The following RSRC1 variants were observed in gnomAD, a reference collection of about 807,000 sequenced individuals.
RSRC1 encodes serine/Arginine-related protein 53.
A neutral mutation model predicts 49.1 loss-of-function variants in RSRC1; 39 were observed. That is an observed-to-expected ratio of 0.79 (90% CI 0.61 to 1.04). The LOEUF is 1.04. RSRC1 is among the 50% of genes least tolerant of loss of function. The pLI is 0.00. For synonymous variants in RSRC1, 143 were observed against 130.8 expected (o/e 1.09, Z -0.63); for missense variants, 388 against 402.4 (o/e 0.96, Z 0.31).
chr3:158,277,646 T>C (rs1343782916), intron 4 of RSRC1, among the ~76,000 whole-genome samples: 3 of 152,244 alleles, frequency 2.0e-5, no homozygotes, highest in Non-Finnish European at 4.4e-5. Flanking sequence ...ATGGGAAGTA[T>C]ATAAAGCAGT....
At chr3:158,404,498 A>G (rs1043375690) in intron 6 of RSRC1, among the ~76,000 whole-genome samples, 2 of 151,960 alleles carry the variant, frequency 1.3e-5, no homozygotes, top group African/African-American at 4.8e-5. Flanking sequence ...TATTGGGTCA[A>G]TTGTTTTGTC....
At chr3:158,481,874 G>A (rs1738626158) in intron 7 of RSRC1, among the ~76,000 whole-genome samples, 1 of 151,940 alleles carries the variant, frequency 6.6e-6, no homozygotes, top group Non-Finnish European at 1.5e-5. Flanking sequence ...TAGAATGTGA[G>A]CTGCTAAAGA....
At chr3:158,283,394 C>T (rs1216572849) in intron 4 of RSRC1, among the ~76,000 whole-genome samples, 1 of 151,856 alleles carries the variant, frequency 6.6e-6, no homozygotes, top group Non-Finnish European at 1.5e-5. Context: ...CTCATAATCC[C>T]ACTGTCAAAT....
intron 5 of RSRC1, among the ~76,000 whole-genome samples, chr3:158,308,155 G>A (rs184432389): frequency 2.0e-5 from 3 of 151,948 alleles, no homozygotes; most frequent in South Asian, 2.1e-4. Context: ...ATCAGATGCC[G>A]AACAGTAAAT....
intron 6 of RSRC1, among the ~76,000 whole-genome samples, chr3:158,390,066 G>A (rs77788385): frequency 0.011 from 1,604 of 152,262 alleles, 18 homozygotes; most frequent in Non-Finnish European, 0.017. Context: ...TGTGCCTTAA[G>A]TCAGAGGAAC....
intron 6 of RSRC1, among the ~76,000 whole-genome samples, chr3:158,442,871 G>C (rs1736459603): frequency 6.6e-6 from 1 of 152,076 alleles, no homozygotes; most frequent in Admixed American, 6.6e-5. Context: ...GCTGCAAAAT[G>C]AATGTTCTGT....
chr3:158,438,297 T>C (rs1298222992), intron 6 of RSRC1, among the ~76,000 whole-genome samples: 3 of 152,170 alleles, frequency 2.0e-5, no homozygotes, highest in African/African-American at 7.2e-5. Context: ...ATGACTTTCT[T>C]CACAGAATTG....
intron 3 of RSRC1, among the ~76,000 whole-genome samples, chr3:158,197,635 A>G (rs1195679844): frequency 2.6e-5 from 4 of 152,068 alleles, no homozygotes; most frequent in African/African-American, 9.7e-5. Context: ...ATTTAGTACT[A>G]TAAATTTCCC....
At chr3:158,331,319 T>A (rs1729533325) in intron 5 of RSRC1, among the ~76,000 whole-genome samples, 1 of 152,254 alleles carries the variant, frequency 6.6e-6, no homozygotes, top group Admixed American at 6.5e-5. Context: ...ACTAGTAGTC[T>A]TTTGTGCGTG....
intron 3 of RSRC1, among the ~76,000 whole-genome samples, chr3:158,132,794 T>G (rs1045440971): frequency 6.6e-6 from 1 of 152,220 alleles, no homozygotes. Context: ...ATGAACAAAG[T>G]CAGATCCCCT....
intron 3 of RSRC1, among the ~76,000 whole-genome samples, chr3:158,169,250 A>G (rs930078052): frequency 1.3e-5 from 2 of 152,198 alleles, no homozygotes; most frequent in Non-Finnish European, 2.9e-5. Flanking sequence ...TCAAAGGATT[A>G]TGCTAACCCT....
intron 6 of RSRC1, among the ~76,000 whole-genome samples, chr3:158,359,374 G>A (rs1160765245): frequency 2.0e-5 from 3 of 152,236 alleles, no homozygotes; most frequent in African/African-American, 7.2e-5. Context: ...AGCCTGAAAA[G>A]TGGTAGCCAC....
At chr3:158,125,157 GT>G (rs1333346219) in intron 3 of RSRC1, among the ~76,000 whole-genome samples, 1 of 151,586 alleles carries the variant, frequency 6.6e-6, no homozygotes, top group Non-Finnish European at 1.5e-5. Flanking sequence ...TGTTAATTTT[GT>G]TGTTGTTTTT....
intron 7 of RSRC1, among the ~76,000 whole-genome samples, chr3:158,512,518 C>T (rs1429934939): frequency 6.6e-6 from 1 of 152,152 alleles, no homozygotes; most frequent in Non-Finnish European, 1.5e-5. Flanking sequence ...TTTACTGTAG[C>T]CTTATAGTAT....
intron 7 of RSRC1, among the ~76,000 whole-genome samples, chr3:158,485,189 T>C (rs568550601): frequency 8.1e-4 from 124 of 152,162 alleles, no homozygotes; most frequent in African/African-American, 2.8e-3. Flanking sequence ...TTATGTATCT[T>C]GTTTACTAAA....
At chr3:158,466,655 C>A (rs1020984681) in intron 7 of RSRC1, among the ~76,000 whole-genome samples, 3 of 152,204 alleles carry the variant, frequency 2.0e-5, no homozygotes, top group African/African-American at 4.8e-5. Context: ...TCAGCTCTGC[C>A]ATTTCCTAGC....
chr3:158,471,374 T>C (rs1738127736), intron 7 of RSRC1, among the ~76,000 whole-genome samples: 1 of 152,288 alleles, frequency 6.6e-6, no homozygotes, highest in South Asian at 2.1e-4. Context: ...TAAATTAATA[T>C]ACATGAAGCC....
intron 6 of RSRC1, among the ~76,000 whole-genome samples, chr3:158,455,707 C>T (rs1204635479): frequency 1.3e-5 from 2 of 152,072 alleles, no homozygotes; most frequent in Non-Finnish European, 2.9e-5. Flanking sequence ...TGGCCTGGTG[C>T]GGTGGCTTAC....
chr3:158,138,541 T>A (rs776000483), intron 3 of RSRC1, among the ~76,000 whole-genome samples: 2 of 152,238 alleles, frequency 1.3e-5, no homozygotes, highest in Non-Finnish European at 2.9e-5. Flanking sequence ...TACTATTAGA[T>A]TTAACTAACT....
Sources: gnomAD v4.1 joint callset for allele counts (sites outside exome capture counted in the v4.1 genomes callset) on GRCh38, gnomAD v4.1.1 for gene constraint, MANE v1.5 for transcripts, NCBI Gene and HGNC (gene_info 2026-07-23, HGNC 2026-07-21) for gene names.